Variants in CTNNA3 observed in about 807,000 individuals in gnomAD.
CTNNA3 encodes the protein catenin alpha 3, also known as catenin alpha-3.
Under a neutral mutation model 95.7 loss-of-function variants are expected in CTNNA3, and 76 were observed. That is an observed-to-expected ratio of 0.79 (90% CI 0.66 to 0.96). CTNNA3 has a LOEUF of 0.96. Among genes scored for constraint, CTNNA3 ranks in the 40% least tolerant of loss-of-function variants. CTNNA3 has a pLI of 0.00. For missense variants in CTNNA3, 1,191 were observed against 1,089.8 expected, an observed-to-expected ratio of 1.09 and a Z score of -1.31; for synonymous variants, 431 against 374.4, an observed-to-expected ratio of 1.15 and a Z score of -1.74.
At chr10:67,553,533 C>A (rs757495182) in intron 3 of CTNNA3, among the ~76,000 whole-genome samples, 8 of 152,050 alleles carry the variant, frequency 5.3e-5, no homozygotes, top group Admixed American at 5.2e-4. Flanking sequence ...TAATAGTAAT[C>A]TGGACATTAA....
chr10:67,116,894 T>C (rs1356726894), intron 7 of CTNNA3, among the ~76,000 whole-genome samples: 1 of 151,728 alleles, frequency 6.6e-6, no homozygotes, highest in Non-Finnish European at 1.5e-5. Flanking sequence ...TACTAAACAG[T>C]GTGCTTCTAG....
intron 15 of CTNNA3, among the ~76,000 whole-genome samples, chr10:66,046,362 C>G (rs571098478): frequency 6.6e-6 from 1 of 152,248 alleles, no homozygotes; most frequent in Non-Finnish European, 1.5e-5. Flanking sequence ...GACCCTGGAG[C>G]CTTAGATACT....
intron 5 of CTNNA3, among the ~76,000 whole-genome samples, chr10:67,387,373 C>T (rs950485351): frequency 1.3e-5 from 2 of 152,180 alleles, no homozygotes; most frequent in African/African-American, 2.4e-5. Flanking sequence ...CGGCGCACCA[C>T]GAGAGTATAT....
At chr10:66,232,854 C>T (rs1426602890) in intron 13 of CTNNA3, among the ~76,000 whole-genome samples, 4 of 152,042 alleles carry the variant, frequency 2.6e-5, no homozygotes, top group African/African-American at 9.7e-5. Context: ...CCTTCTGCAA[C>T]ATCTGTCAAC....
intron 9 of CTNNA3, among the ~76,000 whole-genome samples, chr10:66,737,193 T>C (rs1849172276): frequency 6.6e-6 from 1 of 152,232 alleles, no homozygotes; most frequent in Non-Finnish European, 1.5e-5. Flanking sequence ...AATTTTTTAT[T>C]TCTAGTTCAC....
chr10:66,843,871 A>C (rs562794404), intron 7 of CTNNA3, among the ~76,000 whole-genome samples: 1 of 152,358 alleles, frequency 6.6e-6, no homozygotes, highest in Non-Finnish European at 1.5e-5. Context: ...TTCATTCAGA[A>C]ACAGAACCTA....
At chr10:66,680,050 T>C (rs1462184573) in intron 9 of CTNNA3, among the ~76,000 whole-genome samples, 1 of 152,128 alleles carries the variant, frequency 6.6e-6, no homozygotes. Context: ...TGGAGTGCAG[T>C]AGCTTGATCT....
intron 15 of CTNNA3, among the ~76,000 whole-genome samples, chr10:66,062,106 A>G (rs1361754335): frequency 2.0e-5 from 3 of 152,106 alleles, no homozygotes; most frequent in African/African-American, 7.2e-5. Flanking sequence ...AATAAAATGG[A>G]GGGTATAATA....
intron 7 of CTNNA3, among the ~76,000 whole-genome samples, chr10:67,030,928 C>T (rs1407496163): frequency 1.3e-5 from 2 of 152,046 alleles, no homozygotes; most frequent in Non-Finnish European, 2.9e-5. Flanking sequence ...TGCTTGAACC[C>T]GAGAGGTGGA....
intron 13 of CTNNA3, among the ~76,000 whole-genome samples, chr10:66,231,319 C>T (rs937013496): frequency 2.0e-5 from 3 of 152,152 alleles, no homozygotes; most frequent in East Asian, 1.9e-4. Context: ...TACTATATAA[C>T]CCTAGTATCT....
At chr10:66,850,681 A>G (rs1323978240) in intron 7 of CTNNA3, among the ~76,000 whole-genome samples, 1 of 152,076 alleles carries the variant, frequency 6.6e-6, no homozygotes, top group African/African-American at 2.4e-5. Flanking sequence ...CAAGCTGGGT[A>G]GAGTATGTGA....
At position 67,620,923 on chromosome 10, in the gene CTNNA3, GTATATATATA is replaced by G. The variant is rs56300519; in HGVS notation, c.100-13884_100-13875del. 2.7e-3 allele frequency among the ~76,000 whole-genome samples: 336 copies of G among 123,816 alleles called. 4 individuals carry two copies. Among genetic ancestry groups the G allele is most frequent in the East Asian group, 9.2e-3 (41 of 4,462 alleles). 81.2% of individuals were successfully genotyped at this position (123,816 alleles called of 152,430 possible). On this transcript the variant is annotated intron_variant, in intron 2 of 17. Transcript: ENST00000433211. ...TGTATATGTGTGTGTGTGTGTGTGT[GTATATATATA>G]TATATATATATATATATACAGAAAT...
At chr10:66,451,597 T>C (rs2131825126) in intron 11 of CTNNA3, among the ~76,000 whole-genome samples, 1 of 152,288 alleles carries the variant, frequency 6.6e-6, no homozygotes, top group South Asian at 2.1e-4. Flanking sequence ...TTAAAGGTTT[T>C]TAAGTATGTT....
At chr10:66,343,457 C>T (rs570808084) in intron 12 of CTNNA3, among the ~76,000 whole-genome samples, 2 of 151,730 alleles carry the variant, frequency 1.3e-5, no homozygotes, top group African/African-American at 2.4e-5. Context: ...CATTATGTTG[C>T]GTGAAATAAG....
intron 12 of CTNNA3, among the ~76,000 whole-genome samples, chr10:66,282,289 A>G (rs2091506899): frequency 6.6e-6 from 1 of 151,882 alleles, no homozygotes; most frequent in Admixed American, 6.6e-5. Flanking sequence ...CTCTCAAAGT[A>G]TATCTCTAAT....
At chr10:66,854,464 CAT>C (rs138483068) in intron 7 of CTNNA3, among the ~76,000 whole-genome samples, 1 of 151,452 alleles carries the variant, frequency 6.6e-6, no homozygotes, top group Admixed American at 6.6e-5. Flanking sequence ...AAGTATTAAT[CAT>C]ATATATATAT....
chr10:65,925,964 C>T (rs568002267), intron 17 of CTNNA3, among the ~76,000 whole-genome samples: 1 of 150,876 alleles, frequency 6.6e-6, no homozygotes, highest in Admixed American at 6.6e-5. Context: ...TAAAATGACA[C>T]ATATATATCA....
At position 66,291,951 on chromosome 10, in the gene CTNNA3, T is replaced by A. The variant is rs200547637; in HGVS notation, c.1733-11330A>T. Among the ~76,000 whole-genome samples the A allele has an allele frequency of 2.1e-4, 32 of 151,330 alleles. No individual in the cohort carries two copies. In the East Asian group the frequency reaches 5.6e-3, roughly 27 times the overall value. On this transcript the variant is annotated intron_variant, in intron 12 of 17. Transcript: ENST00000433211. ...TATATGTATTATAATATATCTCATA[T>A]TGTATATCAATATATTATAATATAC...
At chr10:66,652,097 TAAAAAAAA>T (rs59359956) in intron 9 of CTNNA3, among the ~76,000 whole-genome samples, 53,534 of 123,298 alleles carry the variant, frequency 0.43, 10,600 homozygotes, top group East Asian at 0.73. Flanking sequence ...CTCAAGGAAC[TAAAAAAAA>T]AAAAAAAAAA....
Sources: allele counts gnomAD v4.1 joint callset (sites outside exome capture counted in the v4.1 genomes callset), GRCh38; gene constraint gnomAD v4.1.1; transcripts MANE v1.5; gene names NCBI Gene and HGNC (gene_info 2026-07-23, HGNC 2026-07-21).